Variants in LGMN observed in about 807,000 individuals in gnomAD.
LGMN encodes asparaginyl endopeptidase.
Under a neutral mutation model 56.8 loss-of-function variants are expected in LGMN, and 36 were observed. That is an observed-to-expected ratio of 0.63 (90% confidence interval 0.49 to 0.84). LGMN has a LOEUF of 0.84. Among genes scored for constraint, LGMN ranks in the 40% least tolerant of loss-of-function variants. LGMN has a pLI of 0.00. For synonymous variants in LGMN, 199 were observed against 210.1 expected (o/e 0.95, Z 0.46); for missense variants, 446 against 556.1 (o/e 0.80, Z 1.99).
intron 2 of LGMN, among the ~76,000 whole-genome samples, chr14:92,727,632 C>T (rs868548175): frequency 1.3e-5 from 2 of 152,072 alleles, no homozygotes; most frequent in Non-Finnish European, 1.5e-5. Context: ...TCCCTCCACG[C>T]GGAAAGAGCT....
intron 2 of LGMN, among the ~76,000 whole-genome samples, chr14:92,730,753 G>A (rs1486710667): frequency 1.3e-5 from 2 of 151,946 alleles, no homozygotes; most frequent in Non-Finnish European, 2.9e-5. Flanking sequence ...AGACCAGCCT[G>A]GCCAACATGG....
rs114602052 is a variant in LGMN at position 92,721,298 on chromosome 14, T to C, written c.139-2454A>G. On this transcript the variant is annotated intron_variant, in intron 2 of 13. Coordinates refer to ENST00000334869, the MANE Select transcript of LGMN (RefSeq NM_005606.7). ...AAGATTCAACTGACCCTTGTTGGCATTGAGGATGGAAGAAGGGGCCATGAG... is the reference window on the plus strand; with the variant it reads ...AAGATTCAACTGACCCTTGTTGGCACTGAGGATGGAAGAAGGGGCCATGAG... Among the ~76,000 whole-genome samples, 984 of 152,216 alleles carry C rather than the reference T, an allele frequency of 6.5e-3. 9 individuals are homozygous for C. Among genetic ancestry groups the C allele is most frequent in the African/African-American group, 0.023 (944 of 41,520 alleles).
chr14:92,704,395 G>A (rs369146304), intron 13 of LGMN, 34 bp from the exon 14 acceptor site: 161 of 1,547,832 alleles, frequency 1.0e-4, no homozygotes, highest in Non-Finnish European at 1.2e-4. Context: ...TTGGTGAACC[G>A]TGTCAACTCT....
In LGMN at chr14:92,704,204, G is replaced by T; in HGVS notation, c.*115C>A. 1.5e-6 allele frequency: 2 copies of T among 1,345,716 alleles called. No homozygotes were observed. Among genetic ancestry groups the T allele is most frequent in the Non-Finnish European group, 2.1e-6 (2 of 936,642 alleles). 83.4% of individuals were successfully genotyped at this position (1,345,716 alleles called of 1,614,324 possible). A position where few individuals can be genotyped will look rare whatever the true frequency, so the allele number is the denominator to read the frequency against. On this transcript the variant is annotated 3_prime_UTR_variant, in exon 14 of 14. Transcript: ENST00000334869. ...GGTCCTGGAGCGAGCCCTGGAGCGG[G>T]GGCTCCCCAGGAGGGCCCGAGCAGC...
In LGMN at chr14:92,704,419, C is replaced by CT. The variant is rs1889316208; in HGVS notation, c.1260-59_1260-58insA. 3.6e-6 allele frequency: 5 copies of CT among 1,403,914 alleles called. No homozygotes were observed. In the Admixed American group the frequency reaches 8.8e-5, roughly 25 times the overall value. The allele number at this position is 1,403,914 out of a possible 1,614,324, so 87.0% of individuals were successfully genotyped here. On this transcript the variant is annotated intron_variant, in intron 13 of 13. Transcript: ENST00000334869. ...CGTGTCAACTCTGAAGAAAGGCAGA[C>CT]AAACGCAAACCCACATGCGGCAGGC...
At chr14:92,740,497 G>A (rs1455000621) in intron 1 of LGMN, among the ~76,000 whole-genome samples, 5 of 152,146 alleles carry the variant, frequency 3.3e-5, no homozygotes, top group African/African-American at 1.2e-4. Context: ...CAGATCTGAC[G>A]GCAAAGACTG....
chr14:92,706,759 C>A, intron 11 of LGMN, 106 bp from the exon 12 acceptor site: 1 of 995,882 alleles, frequency 1.0e-6, no homozygotes, highest in East Asian at 2.9e-5. Context: ...ACACAGCCCT[C>A]AGCCTCCCGC....
At chr14:92,733,678 A>G (rs1348509922) in intron 1 of LGMN, 2 of 152,124 alleles carry the variant, frequency 1.3e-5, no homozygotes, top group East Asian at 1.9e-4. Context: ...ATGGTGGCAC[A>G]TACCTGTAGT....
At chr14:92,731,242 C>G (rs754615368) in intron 2 of LGMN, among the ~76,000 whole-genome samples, 5 of 152,206 alleles carry the variant, frequency 3.3e-5, no homozygotes, top group Non-Finnish European at 7.3e-5. Context: ...TACTGCAAGT[C>G]TAAGCATTTG....
intron 2 of LGMN, among the ~76,000 whole-genome samples, chr14:92,719,219 A>ACCGCCGC (rs1890260422): frequency 1.1e-4 from 3 of 26,714 alleles, no homozygotes; most frequent in African/African-American, 5.4e-4. Context: ...ACCGCCACCA[A>ACCGCCGC]CACCACCACC....
In LGMN at chr14:92,714,467, CG is replaced by C. The variant is rs756394849; in HGVS notation, c.405-17del. 1 of 1,551,878 alleles carries C rather than the reference CG, an allele frequency of 6.4e-7. No homozygotes were observed. The highest frequency in any genetic ancestry group is 8.9e-7 in the Non-Finnish European group (1 of 1,128,874). On this transcript the variant is annotated splice_polypyrimidine_tract_variant and intron_variant, in intron 5 of 13. Transcript: ENST00000334869. The surrounding 1 kb of genome is among the most constrained non-coding windows in gnomAD (Gnocchi z 5.1). ...CTGGGGGCCACTGCCAAGAAGGAAT[CG>C]GGGGTCAATCATTTCCTTTTTCTGT...
chr14:92,710,737 G>A (rs187455254), intron 10 of LGMN, among the ~76,000 whole-genome samples: 246 of 152,274 alleles, frequency 1.6e-3, no homozygotes, highest in African/African-American at 5.2e-3. Context: ...AGCCCAAGGC[G>A]GGGCCCCCAC....
chr14:92,729,187 C>G (rs933784829), intron 2 of LGMN, among the ~76,000 whole-genome samples: 7 of 145,910 alleles, frequency 4.8e-5, no homozygotes. Flanking sequence ...CAGGTGCCTG[C>G]GCACCTCTGC....
rs145942141 is a variant in LGMN, at chr14:92,740,243, C to T, written c.-29-7428G>A. 3.2e-3 allele frequency among the ~76,000 whole-genome samples: 480 copies of T among 152,104 alleles called. 15 individuals carry two copies. The South Asian group carries it at 0.061, about 19-fold the overall frequency. On this transcript the variant is annotated intron_variant, in intron 1 of 13. Transcript: ENST00000334869. ...AGCCTGGGCAACAAGAGCAAAACTC[C>T]GTCTCAAAAAAAGAAAGAAAGAAAG...
intron 11 of LGMN, among the ~76,000 whole-genome samples, chr14:92,708,170 A>T (rs1162780785): frequency 6.7e-6 from 1 of 149,866 alleles, no homozygotes; most frequent in African/African-American, 2.5e-5. Context: ...AAAAAAAATC[A>T]CCAAAAAACC....
chr14:92,719,126 C>T (rs986673671), intron 2 of LGMN, among the ~76,000 whole-genome samples: 3 of 150,232 alleles, frequency 2.0e-5, no homozygotes, highest in African/African-American at 7.3e-5. Flanking sequence ...CCCACCACCA[C>T]AACCACCGCC....
intron 1 of LGMN, among the ~76,000 whole-genome samples, chr14:92,737,615 C>G (rs1050075021): frequency 3.9e-5 from 6 of 152,210 alleles, no homozygotes; most frequent in Non-Finnish European, 8.8e-5. Context: ...CCACTTTCTG[C>G]TCCAAAAGCA....
At position 92,718,758 on chromosome 14, in the gene LGMN, A is replaced by G; in HGVS notation, c.225T>C (p.Ala75=). Residue 75 remains alanine (A), a synonymous_variant, in exon 3 of 14, where the codon GCT becomes GCC. Transcript: ENST00000334869. ...QIVVMMYDDI[A]YSEDNPTPGI... is the part of the protein sequence containing the mutation. ...TGTTCCCCACTTACTCTTCAGAGTA[A>G]GCAATGTCATCGTACATCATCACAA... 1 of 1,610,358 alleles carries G rather than the reference A, an allele frequency of 6.2e-7. No homozygotes were observed. The highest frequency in any genetic ancestry group is 8.5e-7 in the Non-Finnish European group (1 of 1,176,954).
chr14:92,725,247 C>T (rs1044953152), intron 2 of LGMN, among the ~76,000 whole-genome samples: 3 of 152,224 alleles, frequency 2.0e-5, no homozygotes, highest in African/African-American at 7.2e-5. Context: ...CTCTTCCCAC[C>T]ATGCCCTCTT....
Sources: gnomAD v4.1 joint callset for allele counts (sites outside exome capture counted in the v4.1 genomes callset) on GRCh38, gnomAD v4.1.1 for gene constraint, Gnocchi (gnomAD v3.1) non-coding constraint, MANE v1.5 for transcripts, NCBI Gene and HGNC (gene_info 2026-07-23, HGNC 2026-07-21) for gene names.